Variants in EEPD1 observed in about 807,000 individuals in gnomAD.
EEPD1 encodes endonuclease/exonuclease/phosphatase family domain-containing protein 1.
EEPD1 carries 17 observed loss-of-function variants against 46.3 expected under a neutral mutation model. The ratio of observed to expected loss-of-function variants is 0.37; its 90% CI spans 0.25 to 0.55. The LOEUF (loss-of-function observed/expected upper bound fraction) is 0.55. EEPD1 is among the 20% of genes least tolerant of loss of function. The probability of loss-of-function intolerance (pLI) is 0.83; values close to 1 mark genes in which losing one functional copy is unlikely to be tolerated. For synonymous variants in EEPD1, 313 were observed against 315.6 expected (o/e 0.99, Z 0.09); for missense variants, 673 against 745.6 (o/e 0.90, Z 1.13).
chr7:36,219,798 A>AGTGTGTGT (rs1443373734), intron 2 of EEPD1, among the ~76,000 whole-genome samples: 25 of 77,040 alleles, frequency 3.2e-4, no homozygotes, highest in South Asian at 1.1e-3. Context: ...AGAGAGAGAG[A>AGTGTGTGT]GAGAGAGAGT....
chr7:36,283,281 G>A (rs906662461), intron 4 of EEPD1, among the ~76,000 whole-genome samples: 4 of 152,200 alleles, frequency 2.6e-5, no homozygotes, highest in African/African-American at 7.2e-5. Context: ...AGAAACCAGC[G>A]GTGGAAGGAG....
chr7:36,171,375 A>G (rs1008221695), intron 2 of EEPD1, among the ~76,000 whole-genome samples: 3 of 152,262 alleles, frequency 2.0e-5, no homozygotes, highest in African/African-American at 4.8e-5. Flanking sequence ...ACCAAAAAAC[A>G]TATATGGTGA....
At chr7:36,200,902 C>CA (rs1785701078) in intron 2 of EEPD1, among the ~76,000 whole-genome samples, 2 of 152,142 alleles carry the variant, frequency 1.3e-5, no homozygotes, top group African/African-American at 4.8e-5. Context: ...TTATTCATCA[C>CA]AAAGGGGCAA....
intron 3 of EEPD1, among the ~76,000 whole-genome samples, chr7:36,240,041 G>A (rs1786531719): frequency 6.6e-6 from 1 of 152,196 alleles, no homozygotes; most frequent in Non-Finnish European, 1.5e-5. Context: ...TTGGGAGACT[G>A]GAGGGTTGCT....
intron 2 of EEPD1, among the ~76,000 whole-genome samples, chr7:36,183,888 T>TTGTTTTTTTTTTTTTTTTTTTTTTTTTG (rs3053348): frequency 1.5e-5 from 2 of 135,418 alleles, no homozygotes; most frequent in Non-Finnish European, 3.3e-5. Context: ...TTTTTTTTTT[T>TTGTTTTTTTTTTTTTTTTTTTTTTTTTG]ATTTTTAAAA....
At chr7:36,294,550 G>T (rs1787492731) in intron 6 of EEPD1, among the ~76,000 whole-genome samples, 1 of 152,108 alleles carries the variant, frequency 6.6e-6, no homozygotes, top group Non-Finnish European at 1.5e-5. Flanking sequence ...ATGATAAGAA[G>T]AACTTAGTGG....
intron 6 of EEPD1, among the ~76,000 whole-genome samples, chr7:36,290,235 G>A (rs1219903789): frequency 6.6e-6 from 1 of 152,086 alleles, no homozygotes; most frequent in Non-Finnish European, 1.5e-5. Flanking sequence ...CCCACCCCTG[G>A]TATCCAGGGA....
intron 2 of EEPD1, among the ~76,000 whole-genome samples, chr7:36,210,996 T>C (rs1348300453): frequency 1.3e-5 from 2 of 152,194 alleles, no homozygotes; most frequent in Non-Finnish European, 2.9e-5. Context: ...TCAGTTTTCC[T>C]CATCTATGTA....
chr7:36,223,422 TC>T (rs1415965581), intron 2 of EEPD1, among the ~76,000 whole-genome samples: 2 of 151,898 alleles, frequency 1.3e-5, no homozygotes, highest in Non-Finnish European at 2.9e-5. Flanking sequence ...CTCCTCTGCA[TC>T]CCCCACCCCT....
At chr7:36,206,649 C>G (rs1785823455) in intron 2 of EEPD1, among the ~76,000 whole-genome samples, 1 of 152,164 alleles carries the variant, frequency 6.6e-6, no homozygotes. Flanking sequence ...CCATTAAAAA[C>G]AAAAGCATTA....
chr7:36,246,802 T>G (rs1045491809), intron 3 of EEPD1, among the ~76,000 whole-genome samples: 2 of 152,114 alleles, frequency 1.3e-5, no homozygotes, highest in African/African-American at 4.8e-5. Context: ...ACAGAGTATG[T>G]GCATTTCATC....
chr7:36,262,024 C>T (rs376677954), intron 3 of EEPD1, among the ~76,000 whole-genome samples: 1 of 152,192 alleles, frequency 6.6e-6, no homozygotes, highest in Non-Finnish European at 1.5e-5. Flanking sequence ...AATTCAAAAG[C>T]GTTCACTGAC....
intron 3 of EEPD1, among the ~76,000 whole-genome samples, chr7:36,267,945 A>C (rs1383287634): frequency 6.6e-6 from 1 of 152,206 alleles, no homozygotes; most frequent in Non-Finnish European, 1.5e-5. Flanking sequence ...CACAGGAAGA[A>C]GGTGACCATC....
At chr7:36,236,841 C>G (rs1466925039) in intron 2 of EEPD1, among the ~76,000 whole-genome samples, 1 of 152,218 alleles carries the variant, frequency 6.6e-6, no homozygotes, top group Non-Finnish European at 1.5e-5. Context: ...ATGGACCAGT[C>G]AGCTCTTTGT....
chr7:36,263,120 C>G (rs1038273481), intron 3 of EEPD1, among the ~76,000 whole-genome samples: 1 of 152,144 alleles, frequency 6.6e-6, no homozygotes, highest in Non-Finnish European at 1.5e-5. Flanking sequence ...TGCTTGAGCT[C>G]AGGAGTTTCA....
At chr7:36,158,865 A>C (rs969466917) in intron 2 of EEPD1, among the ~76,000 whole-genome samples, 2 of 152,246 alleles carry the variant, frequency 1.3e-5, no homozygotes, top group Admixed American at 6.5e-5. Flanking sequence ...TTGAAAGTAT[A>C]AACCCTAAGG....
chr7:36,272,503 G>GTTTTT (rs768898390), intron 3 of EEPD1, among the ~76,000 whole-genome samples: 4,517 of 121,382 alleles, frequency 0.037, 79 homozygotes, highest in African/African-American at 0.065. Context: ...GTTTTTTGTT[G>GTTTTT]TTGTTTTTTT....
At chr7:36,288,763 T>TA (rs200857063) in intron 6 of EEPD1, among the ~76,000 whole-genome samples, 4,336 of 135,504 alleles carry the variant, frequency 0.032, 190 homozygotes, top group African/African-American at 0.11. Context: ...CCCCATCTCT[T>TA]AAAAAAAAAA....
chr7:36,228,252 G>C (rs1369282538), intron 2 of EEPD1, among the ~76,000 whole-genome samples: 1 of 152,004 alleles, frequency 6.6e-6, no homozygotes. Context: ...ATACAGACTG[G>C]GCATGGTGGC....
Sources: gnomAD v4.1 joint callset for allele counts (sites outside exome capture counted in the v4.1 genomes callset) on GRCh38, gnomAD v4.1.1 for gene constraint, MANE v1.5 for transcripts, NCBI Gene and HGNC (gene_info 2026-07-23, HGNC 2026-07-21) for gene names.